The following CFAP46 variants were observed in gnomAD, a reference collection of about 807,000 sequenced individuals.
The protein encoded by CFAP46 is cilia and flagella associated protein 46, also known as cilia- and flagella-associated protein 46.
In CFAP46, 245 loss-of-function variants were observed where a neutral mutation model predicts 325.7. That is an observed-to-expected ratio of 0.75 (90% CI 0.68 to 0.84). The LOEUF (loss-of-function observed/expected upper bound fraction) is 0.84, where lower values mean the gene tolerates loss of function less well. Ranked by LOEUF, CFAP46 falls within the 40% of genes least tolerant of loss-of-function variation. The pLI is 0.00. For synonymous variants in CFAP46, 1,523 were observed against 1,495.9 expected, an observed-to-expected ratio of 1.02 and a Z score of -0.42; for missense variants, 3,346 against 3,543.0, an observed-to-expected ratio of 0.94 and a Z score of 1.41.
chr10:132,845,891 G>C (rs1848425782), intron 44 of CFAP46, among the ~76,000 whole-genome samples, 166 bp downstream of exon 44: 1 of 152,204 alleles, frequency 6.6e-6, no homozygotes, highest in African/African-American at 2.4e-5. Context: ...ACTGAGGCTT[G>C]GAGAGGCGAC....
intron 22 of CFAP46, 174 bp downstream of exon 22, chr10:132,908,294 C>A (rs1041505478): frequency 2.3e-5 from 16 of 692,118 alleles, no homozygotes; most frequent in African/African-American, 9.4e-5. Context: ...GTTTTGGGGA[C>A]CTGGTGGGGC....
At chr10:132,873,379 C>G (rs922067482) in intron 31 of CFAP46, among the ~76,000 whole-genome samples, 1 of 151,934 alleles carries the variant, frequency 6.6e-6, no homozygotes, top group African/African-American at 2.4e-5. Context: ...CAGTATGCAT[C>G]CAGGGACACA....
chr10:132,836,642 C>G (rs3750581), intron 45 of CFAP46, among the ~76,000 whole-genome samples, 175 bp downstream of exon 45: 79,428 of 152,062 alleles, frequency 0.52, 21,020 homozygotes, highest in Admixed American at 0.6. Flanking sequence ...ACGGCCCCCC[C>G]CCCTTGGGGT....
At chr10:132,815,407 A>C (rs937390379) in intron 50 of CFAP46, among the ~76,000 whole-genome samples, 2 of 152,176 alleles carry the variant, frequency 1.3e-5, no homozygotes, top group African/African-American at 4.8e-5. Context: ...GAATGGACGC[A>C]CGCATGGGGC....
chr10:132,895,934 C>G (rs148124176), intron 24 of CFAP46, among the ~76,000 whole-genome samples: 7,034 of 81,400 alleles, frequency 0.086, 761 homozygotes, highest in Non-Finnish European at 0.11. Flanking sequence ...CAGCCAGGCT[C>G]TGTGTGCCAT....
chr10:132,821,727 C>A (rs111218118), intron 50 of CFAP46, among the ~76,000 whole-genome samples: 1 of 75,474 alleles, frequency 1.3e-5, no homozygotes, highest in African/African-American at 5.5e-5. Flanking sequence ...TGTGTGCTGA[C>A]GTGTGCTGTG....
At chr10:132,826,899 G>A (rs1231071045) in intron 50 of CFAP46, among the ~76,000 whole-genome samples, 3 of 152,250 alleles carry the variant, frequency 2.0e-5, no homozygotes, top group Non-Finnish European at 4.4e-5. Flanking sequence ...AGTACAGTCA[G>A]GAGGGTGGGC....
At chr10:132,881,568 C>A (rs898838978) in intron 27 of CFAP46, among the ~76,000 whole-genome samples, 7 of 152,198 alleles carry the variant, frequency 4.6e-5, no homozygotes, top group African/African-American at 1.7e-4. Flanking sequence ...CTAACCTGAC[C>A]CTTGCAGAGC....
intron 8 of CFAP46, among the ~76,000 whole-genome samples, chr10:132,931,041 A>C (rs1405768218): frequency 1.2e-4 from 8 of 65,344 alleles, no homozygotes; most frequent in Admixed American, 1.9e-4. Context: ...GCCTCCCCAC[A>C]CTCCCCACAC....
Position 132,869,224 on chromosome 10 carries a change from C to A in CFAP46, c.4610+50G>T, listed in dbSNP as rs1027652636. The A allele has an allele frequency of 6.9e-7, 1 of 1,453,218 alleles. No homozygotes were observed. 90.0% of individuals were successfully genotyped at this position (1,453,218 alleles called of 1,614,324 possible). A position where few individuals can be genotyped will look rare whatever the true frequency, so the allele number is the denominator to read the frequency against. On this transcript the variant is annotated intron_variant, in intron 33 of 57. Transcript: ENST00000368586. The surrounding 1 kb of genome is among the most constrained non-coding windows in gnomAD (Gnocchi z 6.2). The stretch of plus-strand genomic sequence containing the variant: ...CGCAGCTGGCTTTCACCTGGCCGCA[C>A]CAAGGGCGAGACTCAAACCCCAGGC...
intron 22 of CFAP46, 122 bp from the exon 23 acceptor site, chr10:132,899,788 G>T: frequency 3.4e-6 from 4 of 1,163,978 alleles, no homozygotes; most frequent in Non-Finnish European, 4.7e-6. Context: ...GCACCTCCTG[G>T]CCCACAAGCA....
Position 132,814,182 on chromosome 10 carries a change from G to A in CFAP46, c.7358C>T (p.Ala2453Val), listed in dbSNP as rs768215654. The change falls in exon 54 of 58, where the codon GCG becomes GTG. Residue 2453 changes from alanine (A) to valine (V), a missense_variant. Physicochemically the swap from Ala to Val is moderately conservative, Grantham distance 64. Coordinates refer to ENST00000368586, the MANE Select transcript of CFAP46 (RefSeq NM_001200049.3). ...AAAGTGCTTGCTTCCCAGATGTCCC[G>A]CCCATCGCGACGTGAATGTGTCTTG... ...RFQDTFTSRW[A>V]GHLGSKHFPS... 10 of 1,613,882 alleles carry A rather than the reference G, an allele frequency of 6.2e-6. No individual in the cohort carries two copies. Among genetic ancestry groups the A allele is most frequent in the East Asian group, 2.2e-5 (1 of 44,874 alleles).
chr10:132,877,734 G>T lies in CFAP46; in HGVS notation c.4212+147C>A. 1.2e-6 allele frequency: 1 copy of T among 816,798 alleles called. No individual in the cohort carries two copies. 50.6% of individuals were successfully genotyped at this position (816,798 alleles called of 1,614,324 possible). A position where few individuals can be genotyped will look rare whatever the true frequency, so the allele number is the denominator to read the frequency against. ...TGGGGCTCCTCCGAGAACCCTGACA[G>T]GCAGGGAAACTGAGGCACAGGCCAT... On this transcript the variant is annotated intron_variant, in intron 30 of 57. Transcript: ENST00000368586. The surrounding 1 kb of genome is among the most constrained non-coding windows in gnomAD (Gnocchi z 5.7).
rs1448515877 is a variant in CFAP46, at chr10:132,828,174, G to A, written c.7117+5184C>T. 6.6e-6 allele frequency among the ~76,000 whole-genome samples: 1 copy of A among 152,246 alleles called. No homozygotes were observed. The highest frequency in any genetic ancestry group is 1.5e-5 in the Non-Finnish European group (1 of 68,044). The stretch of plus-strand genomic sequence containing the variant: ...GCAGATAACGCTGCTGTAAACATGT[G>A]TATGAGTTTCTGCGGGACGCGTGTC... On this transcript the variant is annotated intron_variant, in intron 50 of 57. Transcript: ENST00000368586. This position sits in a 1 kb window ranked among gnomAD's most constrained non-coding sequence, Gnocchi z 4.9.
intron 50 of CFAP46, among the ~76,000 whole-genome samples, chr10:132,820,685 CTG>C (rs1485471664): frequency 3.7e-5 from 4 of 108,268 alleles, no homozygotes; most frequent in African/African-American, 7.4e-5. Flanking sequence ...CTGATGTGTG[CTG>C]TGTGTGCTGA....
chr10:132,823,826 G>GT, intron 50 of CFAP46, among the ~76,000 whole-genome samples: 2 of 140,968 alleles, frequency 1.4e-5, no homozygotes, highest in Non-Finnish European at 3.1e-5. Context: ...TGTGAGTGCT[G>GT]ATGTGTGCTG....
chr10:132,885,685 C>G, intron 26 of CFAP46, 136 bp downstream of exon 26: 1 of 762,316 alleles, frequency 1.3e-6, no homozygotes, highest in East Asian at 3.3e-5. Flanking sequence ...GGAGCACACT[C>G]CGGTGGGGGA....
chr10:132,828,163 T>C lies in CFAP46; in HGVS notation c.7117+5195A>G, dbSNP rs1848090585. On this transcript the variant is annotated intron_variant, in intron 50 of 57. Coordinates refer to ENST00000368586, the MANE Select transcript of CFAP46 (RefSeq NM_001200049.3). The surrounding 1 kb of genome is among the most constrained non-coding windows in gnomAD (Gnocchi z 4.9). ...TTTAGGTCATTGCAGATAACGCTGC[T>C]GTAAACATGTGTATGAGTTTCTGCG... 6.6e-6 allele frequency among the ~76,000 whole-genome samples: 1 copy of C among 152,270 alleles called. No homozygotes were observed. Among genetic ancestry groups the C allele is most frequent in the Admixed American group, 6.5e-5 (1 of 15,288 alleles).
intron 32 of CFAP46, among the ~76,000 whole-genome samples, chr10:132,870,214 T>C (rs949323218): frequency 1.3e-5 from 2 of 152,172 alleles, no homozygotes; most frequent in Non-Finnish European, 1.5e-5. Context: ...TCCCGTGGGC[T>C]CTGATTGCTC....
Sources: gnomAD v4.1 joint callset for allele counts (sites outside exome capture counted in the v4.1 genomes callset) on GRCh38, gnomAD v4.1.1 for gene constraint, Gnocchi (gnomAD v3.1) non-coding constraint, MANE v1.5 for transcripts, NCBI Gene and HGNC (gene_info 2026-07-23, HGNC 2026-07-21) for gene names.